DNHD1: variants seen among roughly 807,000 people sequenced by gnomAD.
DNHD1 encodes dynein heavy chain domain 1, also known as dynein heavy chain domain-containing protein 1.
A neutral mutation model predicts 458.1 loss-of-function variants in DNHD1; 383 were observed. The observed-to-expected ratio is 0.84, with a 90% CI of 0.77 to 0.91. DNHD1 has a LOEUF of 0.91. Among genes scored for constraint, DNHD1 ranks in the 40% least tolerant of loss-of-function variants. The pLI, the probability that DNHD1 is intolerant of heterozygous loss-of-function variation, is 0.00. For missense variants in DNHD1, 5,336 were observed against 5,866.1 expected (o/e 0.91, Z 2.95); for synonymous variants, 2,203 against 2,376.9 (o/e 0.93, Z 2.13).
intron 7 of DNHD1, among the ~76,000 whole-genome samples, chr11:6,515,562 T>C (rs998695118): frequency 6.6e-6 from 1 of 152,088 alleles, no homozygotes; most frequent in African/African-American, 2.4e-5. Flanking sequence ...AGACCAAAAA[T>C]AGAATTTAGC....
chr11:6,547,493 TG>T lies in DNHD1; in HGVS notation c.6556del (p.Val2186CysfsTer49). 2 of 1,551,074 alleles carry T rather than the reference TG, an allele frequency of 1.3e-6. No homozygotes were observed. Among genetic ancestry groups the T allele is most frequent in the Non-Finnish European group, 1.7e-6 (2 of 1,146,408 alleles). ...VAELNHMAEV[L>X]VPATLRFLTC... ...GAGCTCAACCACATGGCTGAGGTTC[TG>T]GTGCCTGCAACATTGCGATTCCTCA... On this transcript the variant is annotated frameshift_variant, in exon 21 of 43. Transcript: ENST00000254579. LOFTEE classifies it high-confidence loss of function.
At position 6,534,127 on chromosome 11, in the gene DNHD1, A is replaced by T; in HGVS notation, c.2952A>T (p.Thr984=). 1 of 1,551,428 alleles carries T rather than the reference A, an allele frequency of 6.4e-7. No individual in the cohort carries two copies. The highest frequency in any genetic ancestry group is 8.7e-7 in the Non-Finnish European group (1 of 1,146,940). ...CCCTAGAGCGTCAGTTCCAGAACAC[A>T]GTCAGCGACCTCAGTGAACTGCACC... ...LVSLERQFQN[T]VSDLSELHHA... The change falls in exon 14 of 43, where the codon ACA becomes ACT. Residue 984 remains threonine (T), a synonymous_variant. Coordinates refer to ENST00000254579, the MANE Select transcript of DNHD1 (RefSeq NM_144666.3).
chr11:6,570,564 G>T, intron 41 of DNHD1, 54 bp from the exon 42 acceptor site: 1 of 1,519,412 alleles, frequency 6.6e-7, no homozygotes, highest in East Asian at 2.4e-5. Context: ...ACTCTCTCGA[G>T]TCTAGGGTGG....
chr11:6,555,215 T>C (rs1853436409), intron 24 of DNHD1, among the ~76,000 whole-genome samples: 1 of 83,842 alleles, frequency 1.2e-5, no homozygotes, highest in African/African-American at 4.6e-5. Context: ...TCTCTGTCTC[T>C]CTCTCTGTCT....
At chr11:6,556,606 G>A in intron 24 of DNHD1, 77 bp from the exon 25 acceptor site, 1 of 1,369,390 alleles carries the variant, frequency 7.3e-7, no homozygotes. Flanking sequence ...ACCGTGTGTG[G>A]CAGGAATAGA....
rs1449212343 is a variant in DNHD1, at chr11:6,546,289, C to T, written c.5350C>T (p.Leu1784Phe). The change falls in exon 21 of 43, where the codon CTC (leucine) becomes TTC (phenylalanine). Residue 1784 changes from leucine to phenylalanine, a missense_variant. Around this residue, in one of 4 missense-constraint regions of DNHD1, gnomAD observed 3,932 missense variants for 4,365.6 expected, o/e 0.90. Transcript: ENST00000254579. ...CACCATAGACCCCACCCAGCCCCAG[C>T]TCCTTGGCAGTAGCTTCTTTGAAAA... ...TSTIDPTQPQ[L>F]LGSSFFEKHH... 4 of 1,552,420 alleles carry T rather than the reference C, an allele frequency of 2.6e-6. No individual in the cohort carries two copies. The highest frequency in any genetic ancestry group is 3.9e-5 in the Admixed American group (2 of 51,016).
At chr11:6,517,875 A>G (rs1339573764) in intron 7 of DNHD1, among the ~76,000 whole-genome samples, 9 of 152,024 alleles carry the variant, frequency 5.9e-5, no homozygotes, top group East Asian at 5.8e-4. Context: ...TTGCCCATCA[A>G]ATCTTTTGTA....
intron 25 of DNHD1, 28 bp from the exon 26 acceptor site, chr11:6,558,457 A>G (rs1853516733): frequency 1.9e-6 from 3 of 1,550,482 alleles, no homozygotes; most frequent in South Asian, 2.4e-5. Flanking sequence ...GGTAAAGGGG[A>G]GGACATTAGC....
chr11:6,549,050 G>A, intron 24 of DNHD1, 117 bp downstream of exon 24: 2 of 1,145,500 alleles, frequency 1.7e-6, no homozygotes, highest in African/African-American at 1.6e-5. Flanking sequence ...TTAGTGTTCT[G>A]TTCTTAATAT....
chr11:6,552,567 C>T lies in DNHD1; in HGVS notation c.7387+3634C>T, dbSNP rs192182030. Among the ~76,000 whole-genome samples the T allele has an allele frequency of 2.7e-3, 407 of 152,012 alleles. 4 individuals carry two copies. The highest frequency in any genetic ancestry group is 9.1e-3 in the African/African-American group (376 of 41,432). On this transcript the variant is annotated intron_variant, in intron 24 of 42. Transcript: ENST00000254579. ...AAGTAGGTTTAATTGACTCACAGTTCCGCATGGATGGGGAGCCCTCAGGAA... is the reference window on the plus strand; with the variant it reads ...AAGTAGGTTTAATTGACTCACAGTTTCGCATGGATGGGGAGCCCTCAGGAA...
At chr11:6,565,640 C>T in intron 32 of DNHD1, 55 bp from the exon 33 acceptor site, 2 of 1,472,214 alleles carry the variant, frequency 1.4e-6, no homozygotes, top group Non-Finnish European at 1.8e-6. Flanking sequence ...AATTCCTCCC[C>T]TAAGGAGTCT....
Position 6,558,899 on chromosome 11 carries a change from C to G in DNHD1, c.9212-3C>G, listed in dbSNP as rs766133962. ...AGTGAGGCTAAAGCCATGCCCATTG[C>G]AGGCTCCTGGAAGTACCCAGACCTC... On this transcript the variant is annotated splice_polypyrimidine_tract_variant and splice_region_variant and intron_variant, in intron 26 of 42. Transcript: ENST00000254579. 6.4e-7 allele frequency: 1 copy of G among 1,551,622 alleles called. No homozygotes were observed. Among genetic ancestry groups the G allele is most frequent in the African/African-American group, 1.4e-5 (1 of 73,156 alleles).
rs1853237270 is a variant in DNHD1, at chr11:6,547,103, T to C, written c.6164T>C (p.Phe2055Ser). 2.6e-6 allele frequency: 4 copies of C among 1,551,748 alleles called. No individual in the cohort carries two copies. Among genetic ancestry groups the C allele is most frequent in the Non-Finnish European group, 3.5e-6 (4 of 1,146,996 alleles). ...LEGSCWHHGI[F>S]PKVLRAAGQC... ...GGCTCCTGCTGGCATCATGGCATCT[T>C]TCCCAAGGTACTTCGTGCAGCCGGT... is the stretch of plus-strand genomic sequence containing the variant. The change falls in exon 21 of 43, where the codon TTT becomes TCT. Residue 2055 changes from phenylalanine to serine, a missense_variant. By Grantham distance (155) the Phe-to-Ser change is radical. Around this residue, in one of 4 missense-constraint regions of DNHD1, gnomAD observed 3,932 missense variants for 4,365.6 expected, o/e 0.90. Transcript: ENST00000254579.
rs1176318111 is a variant in DNHD1, at chr11:6,545,211, G to A, written c.4272G>A (p.Val1424=). 2.6e-6 allele frequency: 4 copies of A among 1,551,926 alleles called. No individual in the cohort carries two copies. Among genetic ancestry groups the A allele is most frequent in the Non-Finnish European group, 3.5e-6 (4 of 1,147,048 alleles). The change falls in exon 21 of 43, where the codon GTG becomes GTA. Residue 1424 remains valine (V), a synonymous_variant. Transcript: ENST00000254579. This position sits in a 1 kb window ranked among gnomAD's most constrained non-coding sequence, Gnocchi z 4.9. ...AGACTCAGGTGGAGGCACTTGCAGTGCTAGGGGCAGGTGGGGAGGAGGTGA... is the reference window on the plus strand; with the variant it reads ...AGACTCAGGTGGAGGCACTTGCAGTACTAGGGGCAGGTGGGGAGGAGGTGA... ...NTQTQVEALA[V]LGAGGEEVKL...
Position 6,566,917 on chromosome 11 carries a change from T to C in DNHD1, c.11408T>C (p.Leu3803Pro). 6.2e-7 allele frequency: 1 copy of C among 1,613,268 alleles called. No homozygotes were observed. Among genetic ancestry groups the C allele is most frequent in the Admixed American group, 1.7e-5 (1 of 59,938 alleles). The change falls in exon 36 of 43, where the codon CTG becomes CCG. Residue 3803 changes from leucine (L) to proline (P), a missense_variant. Leu to Pro is a moderately conservative substitution (Grantham distance 98). Around this residue, in one of 4 missense-constraint regions of DNHD1, gnomAD observed 695 missense variants for 804.2 expected, o/e 0.86. Transcript: ENST00000254579. ...AAEERLLTML[L>P]FQNPKRQKPA... ...CAGGAGCGGCTGCTGACGATGCTGC[T>C]GTTCCAGAATCCGAAGCGTCAGAAG...
intron 17 of DNHD1, 104 bp from the exon 18 acceptor site, chr11:6,539,772 C>G (rs1853053005): frequency 9.4e-7 from 1 of 1,063,558 alleles, no homozygotes. Context: ...TTTCCTGAGC[C>G]CTGGCCCTTG....
intron 28 of DNHD1, among the ~76,000 whole-genome samples, chr11:6,561,695 T>TATA (rs1029699502): frequency 7.2e-5 from 11 of 152,182 alleles, no homozygotes; most frequent in African/African-American, 2.4e-4. Flanking sequence ...TCACTAACTG[T>TATA]ATAAACAAAT....
chr11:6,508,856 C>A, intron 4 of DNHD1, 24 bp from the exon 5 acceptor site: 1 of 1,612,666 alleles, frequency 6.2e-7, no homozygotes, highest in Non-Finnish European at 8.5e-7. Context: ...AGGGCCTTCA[C>A]TGATCAGAGC....
chr11:6,529,751 C>T (rs144885064), intron 12 of DNHD1, among the ~76,000 whole-genome samples: 3 of 152,256 alleles, frequency 2.0e-5, no homozygotes, highest in Admixed American at 6.5e-5. Context: ...TACATCCTTG[C>T]CTGGTCTCTG....
Sources: gnomAD v4.1 joint callset for allele counts (sites outside exome capture counted in the v4.1 genomes callset) on GRCh38, gnomAD v4.1.1 for gene constraint, gnomAD v4.1.1 regional missense constraint, Gnocchi (gnomAD v3.1) non-coding constraint, MANE v1.5 for transcripts, NCBI Gene and HGNC (gene_info 2026-07-23, HGNC 2026-07-21) for gene names.